The following PTPRD variants were observed in gnomAD, a reference collection of about 807,000 sequenced individuals.
PTPRD encodes receptor-type tyrosine-protein phosphatase delta.
PTPRD carries 34 observed loss-of-function variants against 214.5 expected under a neutral mutation model. The ratio of observed to expected loss-of-function variants is 0.16; its 90% CI spans 0.12 to 0.21. The LOEUF (loss-of-function observed/expected upper bound fraction) is 0.21, where lower values mean the gene tolerates loss of function less well. Among genes scored for constraint, PTPRD ranks in the 10% least tolerant of loss-of-function variants. PTPRD has a pLI of 1.00. For synonymous variants in PTPRD, 1,128 were observed against 845.7 expected, an observed-to-expected ratio of 1.33 and a Z score of -5.79; for missense variants, 2,545 against 2,398.7, an observed-to-expected ratio of 1.06 and a Z score of -1.27.
chr9:8,352,243 C>T (rs530028960), intron 39 of PTPRD, among the ~76,000 whole-genome samples: 25 of 152,102 alleles, frequency 1.6e-4, no homozygotes, highest in Non-Finnish European at 2.9e-5. Flanking sequence ...GCGTAAAGAA[C>T]ACCTGAATAT....
chr9:9,147,549 A>G (rs997338655), intron 10 of PTPRD, among the ~76,000 whole-genome samples: 5 of 152,114 alleles, frequency 3.3e-5, no homozygotes, highest in Non-Finnish European at 2.9e-5. Flanking sequence ...ATGTTGTATC[A>G]TGTAAAAATT....
intron 5 of PTPRD, 31 bp downstream of exon 5, chr9:9,938,476 A>C (rs1267876584): frequency 2.0e-5 from 3 of 152,142 alleles, no homozygotes; most frequent in East Asian, 3.9e-4. Flanking sequence ...GTGTCATGGG[A>C]AACTAGCATA....
At chr9:9,728,708 G>C (rs922046698) in intron 7 of PTPRD, among the ~76,000 whole-genome samples, 1 of 151,984 alleles carries the variant, frequency 6.6e-6, no homozygotes, top group African/African-American at 2.4e-5. Context: ...GTTGTTAGAT[G>C]GTCTTTAATA....
intron 9 of PTPRD, among the ~76,000 whole-genome samples, chr9:9,323,746 G>T (rs1219293649): frequency 6.6e-6 from 1 of 152,020 alleles, no homozygotes; most frequent in African/African-American, 2.4e-5. Flanking sequence ...CAATGTGCAG[G>T]TTTGTTACAT....
chr9:9,468,153 C>A (rs2094345798), intron 8 of PTPRD, among the ~76,000 whole-genome samples: 2 of 151,940 alleles, frequency 1.3e-5, no homozygotes, highest in Non-Finnish European at 2.9e-5. Flanking sequence ...TTCTCTCTTT[C>A]CTTCTTTCTG....
At chr9:8,510,344 C>T (rs2097652455) in intron 21 of PTPRD, among the ~76,000 whole-genome samples, 2 of 151,992 alleles carry the variant, frequency 1.3e-5, no homozygotes, top group African/African-American at 4.8e-5. Context: ...GGTGCGAATA[C>T]AAATGCTCAG....
At chr9:9,622,559 C>G (rs2095282128) in intron 7 of PTPRD, among the ~76,000 whole-genome samples, 1 of 152,194 alleles carries the variant, frequency 6.6e-6, no homozygotes, top group African/African-American at 2.4e-5. Flanking sequence ...TTCTGATACG[C>G]TGCATTTCCC....
chr9:8,580,511 T>A lies in PTPRD; in HGVS notation c.353-51732A>T, dbSNP rs546805576. On this transcript the variant is annotated intron_variant, in intron 14 of 45. Coordinates refer to ENST00000381196, the MANE Select transcript of PTPRD (RefSeq NM_002839.4). ...CTGATGGACTTTTTATTTTTGAAAGTGAATACAGCACCTGAATGTAAAGAT... is the reference window on the plus strand; with the variant it reads ...CTGATGGACTTTTTATTTTTGAAAGAGAATACAGCACCTGAATGTAAAGAT... Among the ~76,000 whole-genome samples the A allele has an allele frequency of 1.2e-4, 18 of 152,322 alleles. No homozygotes were observed. In the South Asian group the frequency reaches 3.7e-3, roughly 32 times the overall value.
At chr9:8,366,793 G>T (rs952957450) in intron 39 of PTPRD, among the ~76,000 whole-genome samples, 1 of 152,200 alleles carries the variant, frequency 6.6e-6, no homozygotes, top group Non-Finnish European at 1.5e-5. Flanking sequence ...GTCATACCAA[G>T]TGTGAATACG....
chr9:9,841,236 C>A (rs753649817), intron 5 of PTPRD, among the ~76,000 whole-genome samples: 4 of 151,842 alleles, frequency 2.6e-5, no homozygotes, highest in African/African-American at 9.7e-5. Context: ...AATAAGGGTA[C>A]GTAATGTACA....
chr9:9,439,380 GA>G (rs1474408976), intron 8 of PTPRD, among the ~76,000 whole-genome samples: 1 of 152,122 alleles, frequency 6.6e-6, no homozygotes, highest in Non-Finnish European at 1.5e-5. Context: ...TGAGGATCAG[GA>G]GTCTTAGGTC....
chr9:8,658,671 GAAA>G (rs35547116), intron 12 of PTPRD, among the ~76,000 whole-genome samples: 9,699 of 122,120 alleles, frequency 0.079, 971 homozygotes, highest in African/African-American at 0.25. Flanking sequence ...AGCACATTTG[GAAA>G]AAAAAAAAAA....
chr9:10,167,288 T>A (rs183970578), intron 3 of PTPRD, among the ~76,000 whole-genome samples: 70 of 152,212 alleles, frequency 4.6e-4, no homozygotes, highest in African/African-American at 1.6e-3. Flanking sequence ...AATACAAGAT[T>A]AAAGCTGGTG....
chr9:9,392,414 C>A (rs564431292), intron 9 of PTPRD, among the ~76,000 whole-genome samples: 1 of 152,224 alleles, frequency 6.6e-6, no homozygotes, highest in Admixed American at 6.5e-5. Flanking sequence ...ATCTTTTCTG[C>A]ATATTTGGGT....
At chr9:10,000,570 G>A (rs1362362863) in intron 4 of PTPRD, among the ~76,000 whole-genome samples, 2 of 152,176 alleles carry the variant, frequency 1.3e-5, no homozygotes, top group Non-Finnish European at 2.9e-5. Flanking sequence ...TACTTCTCTT[G>A]AGGGGGGAAT....
intron 2 of PTPRD, among the ~76,000 whole-genome samples, chr9:10,566,086 A>C (rs370682217): frequency 2.6e-5 from 4 of 152,032 alleles, no homozygotes; most frequent in Middle Eastern, 3.4e-3. Flanking sequence ...TGTAGAATTC[A>C]TCAATTTTGT....
intron 9 of PTPRD, among the ~76,000 whole-genome samples, chr9:9,222,113 G>A (rs2099956487): frequency 6.6e-6 from 1 of 151,946 alleles, no homozygotes; most frequent in Non-Finnish European, 1.5e-5. Context: ...AATATTCTTA[G>A]GAAAAACTTA....
chr9:8,610,397 A>T (rs1280721814), intron 14 of PTPRD, among the ~76,000 whole-genome samples: 1 of 152,182 alleles, frequency 6.6e-6, no homozygotes, highest in East Asian at 1.9e-4. Context: ...TTTGTTCAAC[A>T]TTACATTGCT....
At chr9:8,410,423 T>G (rs913341107) in intron 35 of PTPRD, among the ~76,000 whole-genome samples, 1 of 152,314 alleles carries the variant, frequency 6.6e-6, no homozygotes, top group Admixed American at 6.5e-5. Context: ...TTCCTCTTAA[T>G]GTCAACCTAG....
Sources: allele counts gnomAD v4.1 joint callset (sites outside exome capture counted in the v4.1 genomes callset), GRCh38; gene constraint gnomAD v4.1.1; transcripts MANE v1.5; gene names NCBI Gene and HGNC (gene_info 2026-07-23, HGNC 2026-07-21).